HTR1F: variants seen among roughly 807,000 people sequenced by gnomAD.
HTR1F encodes the protein 5-hydroxytryptamine (serotonin) receptor 1F, G protein-coupled.
A neutral mutation model predicts 24.0 loss-of-function variants in HTR1F; 17 were observed. The ratio of observed to expected loss-of-function variants is 0.71; its 90% CI spans 0.48 to 1.06. The LOEUF (loss-of-function observed/expected upper bound fraction) is 1.06. Ranked by LOEUF, HTR1F falls within the 50% of genes least tolerant of loss-of-function variation. The pLI is 0.00. For synonymous variants in HTR1F, 186 were observed against 156.8 expected (o/e 1.19, Z -1.39); for missense variants, 391 against 427.8 (o/e 0.91, Z 0.76).
intron 2 of HTR1F, among the ~76,000 whole-genome samples, chr3:87,956,340 T>C (rs1704942346): frequency 6.6e-6 from 1 of 151,384 alleles, no homozygotes; most frequent in Non-Finnish European, 1.5e-5. Flanking sequence ...TATTTGTGAG[T>C]CTATTTGAGG....
intron 2 of HTR1F, among the ~76,000 whole-genome samples, chr3:87,860,208 A>G (rs921641967): frequency 1.3e-5 from 2 of 152,228 alleles, no homozygotes; most frequent in Non-Finnish European, 2.9e-5. Flanking sequence ...GGAAAATTGA[A>G]AGTTTTAAAT....
Position 87,916,528 on chromosome 3 carries a change from G to A in HTR1F, c.-42-74180G>A, listed in dbSNP as rs189008572. On this transcript the variant is annotated intron_variant, in intron 2 of 2. Coordinates refer to ENST00000319595, the MANE Select transcript of HTR1F (RefSeq NM_001322209.2). ...ACTCACATAATCTTAAAGTAAAGGGGTGGAAAAACACATTTCATGGACATG... is the reference window on the plus strand; with the variant it reads ...ACTCACATAATCTTAAAGTAAAGGGATGGAAAAACACATTTCATGGACATG... Among the ~76,000 whole-genome samples, 34 of 152,106 alleles carry A rather than the reference G, an allele frequency of 2.2e-4. No individual in the cohort carries two copies. In the East Asian group the frequency reaches 5.2e-3, roughly 23 times the overall value.
chr3:87,867,297 C>T (rs1276774868), intron 2 of HTR1F, among the ~76,000 whole-genome samples: 3 of 151,882 alleles, frequency 2.0e-5, no homozygotes, highest in African/African-American at 7.2e-5. Flanking sequence ...AACATAGAGG[C>T]ATCAAACTTT....
chr3:87,923,943 C>A (rs1704067977), intron 2 of HTR1F, among the ~76,000 whole-genome samples: 1 of 151,724 alleles, frequency 6.6e-6, no homozygotes, highest in African/African-American at 2.4e-5. Flanking sequence ...AGGATATTGG[C>A]CTTTAGTTTT....
At chr3:87,818,597 C>T (rs1487234558) in intron 1 of HTR1F, among the ~76,000 whole-genome samples, 2 of 152,142 alleles carry the variant, frequency 1.3e-5, no homozygotes, top group African/African-American at 4.8e-5. Flanking sequence ...TGGATAGGCT[C>T]CTCCACGGCC....
chr3:87,946,390 T>C (rs1186285468), intron 2 of HTR1F, among the ~76,000 whole-genome samples: 11 of 152,066 alleles, frequency 7.2e-5, no homozygotes, highest in South Asian at 4.1e-4. Context: ...TGAAAAATAA[T>C]TTAAAAATAT....
chr3:87,837,673 ATAATTTATTAT>A (rs1294302895), intron 2 of HTR1F, among the ~76,000 whole-genome samples: 9 of 152,070 alleles, frequency 5.9e-5, no homozygotes, highest in African/African-American at 1.7e-4. Context: ...AATACATTGG[ATAATTTATTAT>A]TATTAAACAT....
chr3:87,967,480 A>G, intron 2 of HTR1F, among the ~76,000 whole-genome samples: 1 of 151,498 alleles, frequency 6.6e-6, no homozygotes, highest in Non-Finnish European at 1.5e-5. Flanking sequence ...GGAAAGTGGT[A>G]CCTCAAGGAG....
chr3:87,915,754 G>A (rs1703878918), intron 2 of HTR1F, among the ~76,000 whole-genome samples: 2 of 152,132 alleles, frequency 1.3e-5, no homozygotes, highest in Admixed American at 6.6e-5. Context: ...TGAGGAAGAA[G>A]AGAAATCTAA....
chr3:87,961,746 T>C (rs1576093253), intron 2 of HTR1F, among the ~76,000 whole-genome samples: 1 of 151,988 alleles, frequency 6.6e-6, no homozygotes, highest in East Asian at 1.9e-4. Flanking sequence ...TTTCTTATTT[T>C]GTAACCTGAA....
chr3:87,867,465 T>C (rs2107244632), intron 2 of HTR1F, among the ~76,000 whole-genome samples: 1 of 151,962 alleles, frequency 6.6e-6, no homozygotes, highest in South Asian at 2.1e-4. Context: ...TTTTATTCGC[T>C]CAAGCATGGG....
At chr3:87,984,493 C>T (rs558023400) in intron 2 of HTR1F, among the ~76,000 whole-genome samples, 9 of 151,850 alleles carry the variant, frequency 5.9e-5, no homozygotes, top group South Asian at 2.1e-4. Context: ...TTTGCTCTTT[C>T]GCTTCTGTTG....
intron 2 of HTR1F, among the ~76,000 whole-genome samples, chr3:87,879,386 T>A (rs1445845816): frequency 6.6e-6 from 1 of 152,062 alleles, no homozygotes. Context: ...GTCATTAATG[T>A]TTTTTTACTT....
At position 87,866,715 on chromosome 3, in the gene HTR1F, A is replaced by G. The variant is rs138766513; in HGVS notation, c.-43+44591A>G. On this transcript the variant is annotated intron_variant, in intron 2 of 2. Coordinates refer to ENST00000319595, the MANE Select transcript of HTR1F (RefSeq NM_001322209.2). ...TGCAAAATTGGATGTTTGTTTTCTT[A>G]CAGTTATTGACTACAGTTTCTCTTA... is the stretch of plus-strand genomic sequence containing the variant. 9.5e-3 allele frequency among the ~76,000 whole-genome samples: 1,437 copies of G among 152,030 alleles called. 21 individuals are homozygous for G. Among genetic ancestry groups the G allele is most frequent in the Non-Finnish European group, 0.015 (1,050 of 67,954 alleles).
At chr3:87,897,022 T>C (rs1188052623) in intron 2 of HTR1F, among the ~76,000 whole-genome samples, 1 of 152,034 alleles carries the variant, frequency 6.6e-6, no homozygotes. Context: ...ATATTAAAAA[T>C]AGAATTACCA....
chr3:87,915,630 T>C (rs1488613991), intron 2 of HTR1F, among the ~76,000 whole-genome samples: 1 of 152,018 alleles, frequency 6.6e-6, no homozygotes, highest in Non-Finnish European at 1.5e-5. Flanking sequence ...ACAAGGCCTT[T>C]GAATTAAACC....
intron 2 of HTR1F, among the ~76,000 whole-genome samples, chr3:87,929,571 A>T (rs1704211001): frequency 6.6e-6 from 1 of 152,074 alleles, no homozygotes. Context: ...TGTCCCCATT[A>T]ATCATTTTTG....
intron 2 of HTR1F, among the ~76,000 whole-genome samples, chr3:87,945,517 G>C (rs1417609926): frequency 6.6e-6 from 1 of 152,208 alleles, no homozygotes; most frequent in Non-Finnish European, 1.5e-5. Flanking sequence ...ATTGAGTAGA[G>C]ACTTCTGGCT....
Position 87,953,323 on chromosome 3 carries a change from C to T in HTR1F, c.-42-37385C>T, listed in dbSNP as rs113189456. On this transcript the variant is annotated intron_variant, in intron 2 of 2. Coordinates refer to ENST00000319595, the MANE Select transcript of HTR1F (RefSeq NM_001322209.2). ...TATTTATGTGACAAGAGATTAATACCAGAAAATATAAAGAACTCGATTTAA... is the reference window on the plus strand; with the variant it reads ...TATTTATGTGACAAGAGATTAATACTAGAAAATATAAAGAACTCGATTTAA... Among the ~76,000 whole-genome samples the T allele has an allele frequency of 4.0e-4, 59 of 148,064 alleles. 1 individual carries two copies. The highest frequency in any genetic ancestry group is 1.5e-3 in the African/African-American group (58 of 39,944).
Sources: gnomAD v4.1 joint callset for allele counts (sites outside exome capture counted in the v4.1 genomes callset) on GRCh38, gnomAD v4.1.1 for gene constraint, MANE v1.5 for transcripts, NCBI Gene and HGNC (gene_info 2026-07-23, HGNC 2026-07-21) for gene names.